RIN3: variants seen among roughly 807,000 people sequenced by gnomAD.
RIN3 encodes the protein Ras and Rab interactor 3.
A neutral mutation model predicts 76.3 loss-of-function variants in RIN3; 54 were observed. The observed-to-expected ratio is 0.71, with a 90% CI of 0.57 to 0.89. RIN3 has a LOEUF of 0.89. Among genes scored for constraint, RIN3 ranks in the 40% least tolerant of loss-of-function variants. The pLI, the probability that RIN3 is intolerant of heterozygous loss-of-function variation, is 0.00. For synonymous variants in RIN3, 576 were observed against 564.0 expected (o/e 1.02, Z -0.30); for missense variants, 1,256 against 1,322.1 (o/e 0.95, Z 0.78).
intron 1 of RIN3, among the ~76,000 whole-genome samples, chr14:92,550,124 C>T (rs142190213): frequency 0.016 from 2,446 of 152,294 alleles, 28 homozygotes; most frequent in African/African-American, 0.019. Flanking sequence ...ACAAAGCCTG[C>T]GTGTCACCCA....
rs144008063 is a variant in RIN3, at chr14:92,674,628, C to T, written c.2336-1847C>T. Among the ~76,000 whole-genome samples, 1,145 of 152,170 alleles carry T rather than the reference C, an allele frequency of 7.5e-3. 20 individuals are homozygous for T. Among genetic ancestry groups the T allele is most frequent in the African/African-American group, 0.026 (1,094 of 41,500 alleles). ...CAAAGGCCGGGCGCTGTGGCTCACA[C>T]CTGTAATCCCAGCACTTTAGGAGGC... is the stretch of plus-strand genomic sequence containing the variant. On this transcript the variant is annotated intron_variant, in intron 7 of 9. Transcript: ENST00000216487.
chr14:92,529,392 G>A (rs114031777), intron 1 of RIN3, among the ~76,000 whole-genome samples: 3,254 of 152,066 alleles, frequency 0.021, 101 homozygotes, highest in African/African-American at 0.075. Flanking sequence ...GGGATTACAG[G>A]CGCGTGCCAC....
chr14:92,676,546 A>T lies in RIN3; in HGVS notation c.2407A>T (p.Met803Leu). The T allele has an allele frequency of 1.2e-6, 2 of 1,614,056 alleles. No individual in the cohort carries two copies. Among genetic ancestry groups the T allele is most frequent in the Non-Finnish European group, 1.7e-6 (2 of 1,180,008 alleles). The part of the protein sequence containing the change: ...YVLARSNLTE[M>L]LLNVEYMMEL... ...GCTGGCCCGCAGCAACCTCACGGAG[A>T]TGCTTCTCAATGTGGAGTACATGAT... The change falls in exon 8 of 10, where the codon ATG becomes TTG. Residue 803 changes from methionine (M) to leucine (L), a missense_variant. This residue lies in a region of RIN3 where 428 missense variants were observed against 521.2 expected (regional missense o/e 0.82). Coordinates refer to ENST00000216487, the MANE Select transcript of RIN3 (RefSeq NM_024832.5).
intron 1 of RIN3, among the ~76,000 whole-genome samples, chr14:92,544,437 C>CGGG (rs1272040170): frequency 2.7e-5 from 1 of 36,398 alleles, no homozygotes; most frequent in Non-Finnish European, 5.8e-5. Flanking sequence ...GGGGTGGGGG[C>CGGG]GGGGGTCCCA....
chr14:92,541,379 C>A (rs1043334383), intron 1 of RIN3, among the ~76,000 whole-genome samples: 1 of 152,292 alleles, frequency 6.6e-6, no homozygotes. Flanking sequence ...TCTTTCTGTG[C>A]TGCTCAGGGC....
At chr14:92,616,618 T>C (rs1266795926) in intron 4 of RIN3, among the ~76,000 whole-genome samples, 1 of 152,122 alleles carries the variant, frequency 6.6e-6, no homozygotes, top group Admixed American at 6.5e-5. Flanking sequence ...CATGCTGGCT[T>C]GGGGTGTAGT....
rs1887293825 is a variant in RIN3, at chr14:92,648,787, A to G, written c.533-2795A>G. Among the ~76,000 whole-genome samples, 1 of 152,244 alleles carries G rather than the reference A, an allele frequency of 6.6e-6. No homozygotes were observed. The highest frequency in any genetic ancestry group is 2.4e-5 in the African/African-American group (1 of 41,456). ...TGGTCACTGCTGTCACAGGCATATCAGAGCTGCAGGAACACAGGCGGGGTG... is the reference window on the plus strand; with the variant it reads ...TGGTCACTGCTGTCACAGGCATATCGGAGCTGCAGGAACACAGGCGGGGTG... On this transcript the variant is annotated intron_variant, in intron 5 of 9. Coordinates refer to ENST00000216487, the MANE Select transcript of RIN3 (RefSeq NM_024832.5). This position sits in a 1 kb window ranked among gnomAD's most constrained non-coding sequence, Gnocchi z 4.1.
intron 4 of RIN3, chr14:92,616,093 G>A (rs539205845): frequency 1.3e-5 from 2 of 152,472 alleles, no homozygotes; most frequent in South Asian, 2.1e-4. Flanking sequence ...AGAAAACCAT[G>A]CTCAACCTAG....
intron 2 of RIN3, among the ~76,000 whole-genome samples, chr14:92,574,531 G>C (rs1199921509): frequency 6.6e-6 from 1 of 152,178 alleles, no homozygotes; most frequent in Non-Finnish European, 1.5e-5. Flanking sequence ...GTCTATGTTT[G>C]CCGCTTGAGT....
chr14:92,685,869 C>T lies in RIN3; in HGVS notation c.2631+719C>T, dbSNP rs1028129909. 2.6e-5 allele frequency: 4 copies of T among 152,592 alleles called. No homozygotes were observed. The highest frequency in any genetic ancestry group is 5.9e-5 in the Non-Finnish European group (4 of 68,370). 9.5% of individuals were successfully genotyped at this position (152,592 alleles called of 1,614,324 possible). ...AGCCTTCCCTGATACACACACACAC[C>T]GTTTCACACAGGCTGGGTGGGGTGC... On this transcript the variant is annotated intron_variant, in intron 9 of 9. Transcript: ENST00000216487. This position sits in a 1 kb window ranked among gnomAD's most constrained non-coding sequence, Gnocchi z 4.7.
At chr14:92,667,615 T>C (rs1415302553) in intron 7 of RIN3, among the ~76,000 whole-genome samples, 3 of 152,230 alleles carry the variant, frequency 2.0e-5, no homozygotes, top group Non-Finnish European at 4.4e-5. Flanking sequence ...CTTTCTAGTC[T>C]TTTTGAAATA....
At chr14:92,611,189 T>TTGGCATTCCTTGGC (rs1418636220) in intron 3 of RIN3, among the ~76,000 whole-genome samples, 112 of 152,276 alleles carry the variant, frequency 7.4e-4, no homozygotes, top group Non-Finnish European at 1.2e-3. Flanking sequence ...CTGCCAATCT[T>TTGGCATTCCTTGGC]TGGCATTCCT....
chr14:92,660,125 T>A (rs917121736), intron 7 of RIN3, among the ~76,000 whole-genome samples: 3 of 152,244 alleles, frequency 2.0e-5, no homozygotes, highest in African/African-American at 7.2e-5. Flanking sequence ...ACATACAAAT[T>A]TTGAGGGGAC....
chr14:92,650,015 C>G (rs976164540), intron 5 of RIN3, among the ~76,000 whole-genome samples: 1 of 152,206 alleles, frequency 6.6e-6, no homozygotes, highest in Non-Finnish European at 1.5e-5. Flanking sequence ...ATGGCAAATG[C>G]CTACATCCCT....
At chr14:92,527,342 G>A (rs1453884963) in intron 1 of RIN3, among the ~76,000 whole-genome samples, 1 of 152,216 alleles carries the variant, frequency 6.6e-6, no homozygotes, top group African/African-American at 2.4e-5. Flanking sequence ...GTGAGCCACT[G>A]CACCTGGCCA....
In RIN3 at chr14:92,637,671, T is replaced by G. The variant is rs140920500; in HGVS notation, c.441-3567T>G. Among the ~76,000 whole-genome samples, 485 of 152,272 alleles carry G rather than the reference T, an allele frequency of 3.2e-3. 8 individuals carry two copies. The East Asian group carries it at 0.04, about 13-fold the overall frequency. On this transcript the variant is annotated intron_variant, in intron 4 of 9. Transcript: ENST00000216487. ...CCAACATTTTAACAAATGTTGACAA[T>G]AGCACTTAGATCACAGGATTGCTTC...
intron 1 of RIN3, among the ~76,000 whole-genome samples, chr14:92,555,360 A>G (rs1033126187): frequency 2.6e-5 from 4 of 152,114 alleles, no homozygotes; most frequent in Non-Finnish European, 5.9e-5. Flanking sequence ...GGTCTCACAG[A>G]CCCAAGAAAC....
chr14:92,646,966 A>C (rs1595480696), intron 5 of RIN3, among the ~76,000 whole-genome samples: 1 of 152,324 alleles, frequency 6.6e-6, no homozygotes, highest in East Asian at 1.9e-4. Flanking sequence ...AGGAATGTCT[A>C]GTTAAGGCTA....
chr14:92,648,178 C>G lies in RIN3; in HGVS notation c.533-3404C>G, dbSNP rs983331388. Reference sequence around the variant, plus strand: ...AAGACCCCAGGATGCAGCCCATTAGCTCCTGGCTTCCCCCACTCCTTGGAG... The same window carrying G: ...AAGACCCCAGGATGCAGCCCATTAGGTCCTGGCTTCCCCCACTCCTTGGAG... On this transcript the variant is annotated intron_variant, in intron 5 of 9. Coordinates refer to ENST00000216487, the MANE Select transcript of RIN3 (RefSeq NM_024832.5). The surrounding 1 kb of genome is among the most constrained non-coding windows in gnomAD (Gnocchi z 4.1). Among the ~76,000 whole-genome samples, 2 of 151,074 alleles carry G rather than the reference C, an allele frequency of 1.3e-5. No individual in the cohort carries two copies. Among genetic ancestry groups the G allele is most frequent in the Non-Finnish European group, 2.9e-5 (2 of 67,918 alleles).
Sources: gnomAD v4.1 joint callset for allele counts (sites outside exome capture counted in the v4.1 genomes callset) on GRCh38, gnomAD v4.1.1 for gene constraint, gnomAD v4.1.1 regional missense constraint, Gnocchi (gnomAD v3.1) non-coding constraint, MANE v1.5 for transcripts, NCBI Gene and HGNC (gene_info 2026-07-23, HGNC 2026-07-21) for gene names.